Variants in AFAP1 observed in about 807,000 individuals in gnomAD.
The protein encoded by AFAP1 is actin filament-associated protein 1.
AFAP1 carries 75 observed loss-of-function variants against 93.9 expected under a neutral mutation model. The observed-to-expected ratio is 0.80, with a 90% CI of 0.66 to 0.97. AFAP1 has a LOEUF of 0.97. AFAP1 is among the 50% of genes least tolerant of loss of function. The probability of loss-of-function intolerance (pLI) is 0.00; values close to 1 mark genes in which losing one functional copy is unlikely to be tolerated. For synonymous variants in AFAP1, 517 were observed against 430.7 expected, an observed-to-expected ratio of 1.20 and a Z score of -2.48; for missense variants, 1,201 against 1,050.8, an observed-to-expected ratio of 1.14 and a Z score of -1.98.
chr4:7,857,972 T>C (rs1296376453), intron 3 of AFAP1, among the ~76,000 whole-genome samples: 1 of 152,094 alleles, frequency 6.6e-6, no homozygotes, highest in African/African-American at 2.4e-5. Flanking sequence ...GAAACATATG[T>C]CAAAAACCAC....
At position 7,934,762 on chromosome 4, in the gene AFAP1, A is replaced by G. The variant is rs532975850; in HGVS notation, c.-3+4894T>C. Among the ~76,000 whole-genome samples, 7 of 152,304 alleles carry G rather than the reference A, an allele frequency of 4.6e-5. 1 individual carries two copies. The East Asian group carries it at 1.3e-3, about 29-fold the overall frequency. ...AATGTCAAAATGTGATGCTTTGCTGACCTTGACCTCTGACTGCCCTTTAGT... is the reference window on the plus strand; with the variant it reads ...AATGTCAAAATGTGATGCTTTGCTGGCCTTGACCTCTGACTGCCCTTTAGT... On this transcript the variant is annotated intron_variant, in intron 1 of 17. Coordinates refer to ENST00000420658, the MANE Select transcript of AFAP1 (RefSeq NM_001134647.2).
intron 1 of AFAP1, among the ~76,000 whole-genome samples, chr4:7,898,487 T>G (rs914138118): frequency 3.3e-5 from 5 of 151,748 alleles, no homozygotes; most frequent in Non-Finnish European, 7.4e-5. Context: ...CCTTCCACTC[T>G]CAAACATTTC....
chr4:7,786,037 G>A (rs1032627302), intron 12 of AFAP1, among the ~76,000 whole-genome samples, 157 bp downstream of exon 12: 1 of 152,202 alleles, frequency 6.6e-6, no homozygotes, highest in African/African-American at 2.4e-5. Flanking sequence ...CAGCATGTCA[G>A]AAACCAGGAG....
chr4:7,885,372 C>CCA (rs1219149363), intron 1 of AFAP1, among the ~76,000 whole-genome samples: 1 of 152,120 alleles, frequency 6.6e-6, no homozygotes, highest in African/African-American at 2.4e-5. Context: ...CTGCGTCGTC[C>CCA]CACACACACA....
intron 6 of AFAP1, among the ~76,000 whole-genome samples, chr4:7,827,127 A>G (rs1483406028): frequency 6.6e-6 from 1 of 152,168 alleles, no homozygotes; most frequent in Non-Finnish European, 1.5e-5. Context: ...AAGAGCCCAC[A>G]GGAGAGAAGA....
intron 1 of AFAP1, among the ~76,000 whole-genome samples, chr4:7,885,064 G>T (rs777361293): frequency 6.6e-6 from 1 of 152,280 alleles, no homozygotes; most frequent in Admixed American, 6.5e-5. Context: ...TCATCTCATC[G>T]CTCTCTAGAT....
intron 1 of AFAP1, among the ~76,000 whole-genome samples, chr4:7,937,703 T>C (rs1381219791): frequency 6.6e-6 from 1 of 152,124 alleles, no homozygotes; most frequent in East Asian, 1.9e-4. Context: ...GCCAGGCTGG[T>C]CTCGAACTCC....
chr4:7,828,254 CG>C (rs1387674382), intron 6 of AFAP1, among the ~76,000 whole-genome samples: 2 of 152,186 alleles, frequency 1.3e-5, no homozygotes, highest in African/African-American at 2.4e-5. Flanking sequence ...GTCGCCCCCA[CG>C]CCCCCCGGCT....
At chr4:7,859,543 TAAGA>T (rs1181004054) in intron 3 of AFAP1, among the ~76,000 whole-genome samples, 4 of 152,126 alleles carry the variant, frequency 2.6e-5, no homozygotes, top group Non-Finnish European at 5.9e-5. Flanking sequence ...GACCTAGAAA[TAAGA>T]AAGAACTGAC....
intron 3 of AFAP1, among the ~76,000 whole-genome samples, chr4:7,859,869 T>A (rs1257047670): frequency 6.6e-6 from 1 of 152,156 alleles, no homozygotes; most frequent in African/African-American, 2.4e-5. Flanking sequence ...CAAAAAGAAT[T>A]CACAGAGAAT....
intron 4 of AFAP1, among the ~76,000 whole-genome samples, chr4:7,844,459 C>T (rs544605801): frequency 1.3e-5 from 2 of 152,284 alleles, no homozygotes; most frequent in South Asian, 4.2e-4. Context: ...TTTGTCACTG[C>T]GGCATGAGCA....
At position 7,838,658 on chromosome 4, in the gene AFAP1, G is replaced by T; in HGVS notation, c.592C>A (p.Leu198Ile). ...ATGTACGTAATGTTACAGCCTTGGA[G>T]TGGCAGTTCCATCTGAGGCTGCTGG... is the stretch of plus-strand genomic sequence containing the variant. Reference protein sequence around the residue: ...KDQQPQMELPLQGCNITYIPK... With the variant: ...KDQQPQMELPIQGCNITYIPK... Residue 198 changes from leucine (L) to isoleucine (I), a missense_variant, in exon 6 of 18, where the codon CTC becomes ATC. Leu to Ile is a conservative substitution (Grantham distance 5). Coordinates refer to ENST00000420658, the MANE Select transcript of AFAP1 (RefSeq NM_001134647.2). 6.2e-7 allele frequency: 1 copy of T among 1,614,126 alleles called. No individual in the cohort carries two copies. The highest frequency in any genetic ancestry group is 1.1e-5 in the South Asian group (1 of 91,084).
chr4:7,823,639 T>C (rs975557734), intron 6 of AFAP1, among the ~76,000 whole-genome samples: 5 of 152,114 alleles, frequency 3.3e-5, no homozygotes, highest in Admixed American at 2.6e-4. Context: ...TCAAAGCACC[T>C]CACGTAATCG....
At chr4:7,856,303 C>T (rs867405061) in intron 3 of AFAP1, among the ~76,000 whole-genome samples, 6 of 151,744 alleles carry the variant, frequency 4.0e-5, no homozygotes, top group South Asian at 4.2e-4. Context: ...AGTGCAGTGG[C>T]GCAATCTCTG....
chr4:7,769,770 A>G lies in AFAP1; in HGVS notation c.2254-762T>C, dbSNP rs764845645. Among the ~76,000 whole-genome samples, 29 of 152,204 alleles carry G rather than the reference A, an allele frequency of 1.9e-4. 1 individual carries two copies. Among genetic ancestry groups the G allele is most frequent in the Admixed American group, 1.3e-4 (2 of 15,282 alleles). Reference sequence around the variant, plus strand: ...AAAAAATATTGCTCAGGGTATATGGAATATTGTTTTAGAACAGTGTTTCAA... The same window carrying G: ...AAAAAATATTGCTCAGGGTATATGGGATATTGTTTTAGAACAGTGTTTCAA... On this transcript the variant is annotated intron_variant, in intron 16 of 17. Transcript: ENST00000420658.
At chr4:7,901,483 C>T (rs960970408) in intron 1 of AFAP1, among the ~76,000 whole-genome samples, 2 of 152,336 alleles carry the variant, frequency 1.3e-5, no homozygotes, top group East Asian at 3.9e-4. Context: ...CAAGCAAGAC[C>T]GGTCTCCGTG....
At chr4:7,853,668 C>A (rs189165114) in intron 4 of AFAP1, among the ~76,000 whole-genome samples, 13 of 152,314 alleles carry the variant, frequency 8.5e-5, no homozygotes, top group Admixed American at 5.2e-4. Flanking sequence ...AATGCTTTGG[C>A]TTCTCCGATA....
chr4:7,774,843 G>C lies in AFAP1; in HGVS notation c.1958C>G (p.Thr653Ser). 6.2e-7 allele frequency: 1 copy of C among 1,614,072 alleles called. No homozygotes were observed. The highest frequency in any genetic ancestry group is 8.5e-7 in the Non-Finnish European group (1 of 1,180,032). ...RVEADAKRLQ[T>S]KEEELLKRKE... ...CCTCTTCAGCAGCTCCTCCTCTTTG[G>C]TCTGTAGCCGCTTGGCATCTGCTTC... is the stretch of plus-strand genomic sequence containing the variant. Residue 653 changes from threonine (T) to serine (S), a missense_variant, in exon 15 of 18, where the codon ACC (threonine) becomes AGC (serine). Coordinates refer to ENST00000420658, the MANE Select transcript of AFAP1 (RefSeq NM_001134647.2).
At chr4:7,770,389 T>G (rs1001513447) in intron 16 of AFAP1, among the ~76,000 whole-genome samples, 1 of 152,004 alleles carries the variant, frequency 6.6e-6, no homozygotes, top group African/African-American at 2.4e-5. Context: ...TGGATGGGAA[T>G]GCCGGGGGTC....
Sources: allele counts gnomAD v4.1 joint callset (sites outside exome capture counted in the v4.1 genomes callset), GRCh38; gene constraint gnomAD v4.1.1; transcripts MANE v1.5; gene names NCBI Gene and HGNC (gene_info 2026-07-23, HGNC 2026-07-21).